CELF4: variants seen among roughly 807,000 people sequenced by gnomAD.
CELF4 encodes CUG-BP- and ETR-3-like factor 4.
CELF4 carries 18 observed loss-of-function variants against 59.9 expected under a neutral mutation model. That is an observed-to-expected ratio of 0.30 (90% confidence interval 0.21 to 0.45). The LOEUF (loss-of-function observed/expected upper bound fraction) is 0.45, where lower values mean the gene tolerates loss of function less well. Ranked by LOEUF, CELF4 falls within the 20% of genes least tolerant of loss-of-function variation. The pLI is 1.00. For synonymous variants in CELF4, 261 were observed against 267.1 expected (o/e 0.98, Z 0.22); for missense variants, 456 against 689.0 (o/e 0.66, Z 3.79).
At chr18:37,408,800 C>A (rs1456681317) in intron 2 of CELF4, among the ~76,000 whole-genome samples, 5 of 152,306 alleles carry the variant, frequency 3.3e-5, no homozygotes, top group African/African-American at 9.6e-5. Context: ...CACCACCCAG[C>A]TCTTCAGGGT....
chr18:37,506,539 G>T (rs2099938257), intron 1 of CELF4, among the ~76,000 whole-genome samples: 1 of 152,216 alleles, frequency 6.6e-6, no homozygotes, highest in Non-Finnish European at 1.5e-5. Flanking sequence ...GCCATCCCAG[G>T]AAGGCAGATG....
intron 2 of CELF4, among the ~76,000 whole-genome samples, chr18:37,475,773 A>G (rs1187229756): frequency 6.6e-6 from 1 of 152,176 alleles, no homozygotes; most frequent in Non-Finnish European, 1.5e-5. Context: ...CCATCTCCAG[A>G]CACATTTTCC....
At chr18:37,289,420 C>T (rs2095143089) in intron 3 of CELF4, among the ~76,000 whole-genome samples, 1 of 152,194 alleles carries the variant, frequency 6.6e-6, no homozygotes, top group South Asian at 2.1e-4. Context: ...AGTCCTCCCA[C>T]CCACAAGTCT....
chr18:37,402,739 C>T, intron 2 of CELF4, among the ~76,000 whole-genome samples: 1 of 152,200 alleles, frequency 6.6e-6, no homozygotes, highest in East Asian at 1.9e-4. Flanking sequence ...ACAGAGCTTC[C>T]CACCTTGTCC....
chr18:37,445,865 C>G (rs1479830921), intron 2 of CELF4, among the ~76,000 whole-genome samples: 1 of 152,190 alleles, frequency 6.6e-6, no homozygotes, highest in African/African-American at 2.4e-5. Context: ...GTCTCTTTCT[C>G]TGTCTCCCAC....
intron 1 of CELF4, among the ~76,000 whole-genome samples, chr18:37,545,784 A>G (rs1185057974): frequency 6.6e-6 from 1 of 151,616 alleles, no homozygotes; most frequent in Non-Finnish European, 1.5e-5. Flanking sequence ...ACGGCCCTGC[A>G]CTTGTGGCTG....
At chr18:37,563,084 G>A (rs1209555012) in intron 1 of CELF4, among the ~76,000 whole-genome samples, 2 of 150,270 alleles carry the variant, frequency 1.3e-5, no homozygotes, top group African/African-American at 4.9e-5. Context: ...TAAAATATAT[G>A]TAATATATGT....
intron 2 of CELF4, among the ~76,000 whole-genome samples, chr18:37,342,771 T>C (rs1472791269): frequency 6.6e-6 from 1 of 152,224 alleles, no homozygotes; most frequent in African/African-American, 2.4e-5. Flanking sequence ...TAGATAAAGA[T>C]GTGTTGTGAG....
intron 2 of CELF4, among the ~76,000 whole-genome samples, chr18:37,422,300 T>C (rs570771443): frequency 6.6e-6 from 1 of 152,314 alleles, no homozygotes; most frequent in East Asian, 1.9e-4. Context: ...GGGGCCACCC[T>C]TGTGGCTGAA....
intron 8 of CELF4, among the ~76,000 whole-genome samples, chr18:37,268,560 G>A (rs1461983731): frequency 6.6e-6 from 1 of 152,224 alleles, no homozygotes; most frequent in Non-Finnish European, 1.5e-5. Flanking sequence ...AACATCATAA[G>A]CATCTGGCAG....
intron 3 of CELF4, among the ~76,000 whole-genome samples, chr18:37,296,426 G>C (rs1357686963): frequency 1.3e-5 from 2 of 152,188 alleles, no homozygotes; most frequent in East Asian, 3.9e-4. Flanking sequence ...GACCTCTTGG[G>C]CTCAAGCAAT....
At chr18:37,374,450 G>T (rs1040655537) in intron 2 of CELF4, among the ~76,000 whole-genome samples, 2 of 152,176 alleles carry the variant, frequency 1.3e-5, no homozygotes, top group Non-Finnish European at 2.9e-5. Flanking sequence ...CTCCTGAGGA[G>T]CCCACTCCTC....
chr18:37,543,235 G>A (rs992492371), intron 1 of CELF4, among the ~76,000 whole-genome samples: 2 of 152,124 alleles, frequency 1.3e-5, no homozygotes, highest in East Asian at 3.8e-4. Flanking sequence ...TTCCCATCCC[G>A]AGAGGAAGAA....
At chr18:37,431,330 TG>T (rs1467555862) in intron 2 of CELF4, among the ~76,000 whole-genome samples, 2 of 151,928 alleles carry the variant, frequency 1.3e-5, no homozygotes, top group Non-Finnish European at 2.9e-5. Context: ...TGTGTTCTTT[TG>T]CTATTACACA....
At position 37,390,807 on chromosome 18, in the gene CELF4, A is replaced by T. The variant is rs11664350; in HGVS notation, c.370-68926T>A. 2.5e-4 allele frequency among the ~76,000 whole-genome samples: 14 copies of T among 57,130 alleles called. 1 individual carries two copies. Among genetic ancestry groups the T allele is most frequent in the South Asian group, 1.7e-3 (2 of 1,210 alleles). The allele number at this position is 57,130 out of a possible 152,430, so 37.5% of individuals were successfully genotyped here. On this transcript the variant is annotated intron_variant, in intron 2 of 12. Transcript: ENST00000420428. The stretch of plus-strand genomic sequence containing the variant: ...GGCTGGTGGTGGTGATGGGGCGGGG[A>T]GGGGGGGCAGTGCTGCTGGCCGGCA...
intron 7 of CELF4, among the ~76,000 whole-genome samples, chr18:37,272,483 G>A (rs1014277620): frequency 6.7e-6 from 1 of 148,340 alleles, no homozygotes; most frequent in Non-Finnish European, 1.5e-5. Context: ...CCAAACTCCT[G>A]TCCCTTGATA....
chr18:37,480,492 A>T (rs2099863539), intron 2 of CELF4, among the ~76,000 whole-genome samples: 1 of 152,120 alleles, frequency 6.6e-6, no homozygotes, highest in Non-Finnish European at 1.5e-5. Context: ...GTCTCTGGGG[A>T]CCCCTGTCTT....
Position 37,243,914 on chromosome 18 carries a change from G to A in CELF4, c.*1328C>T. On this transcript the variant is annotated 3_prime_UTR_variant, in exon 13 of 13. Coordinates refer to ENST00000420428, the MANE Select transcript of CELF4 (RefSeq NM_020180.4). ...GAAGCGAGAGGCGAGGATGACGGCG[G>A]CGGCGGCGGCGGCGACCCGGGCGAC... 5.4e-6 allele frequency: 1 copy of A among 186,000 alleles called. No individual in the cohort carries two copies. Among genetic ancestry groups the A allele is most frequent in the East Asian group, 1.2e-4 (1 of 8,100 alleles). 11.5% of individuals were successfully genotyped at this position (186,000 alleles called of 1,614,324 possible).
At chr18:37,459,341 C>CCACAGAGAGAGTTACCTACA (rs1326693263) in intron 2 of CELF4, among the ~76,000 whole-genome samples, 1 of 149,698 alleles carries the variant, frequency 6.7e-6, no homozygotes, top group Non-Finnish European at 1.5e-5. Context: ...TCTCTCTCTC[C>CCACAGAGAGAGTTACCTACA]CAGAGTTAAT....
Sources: gnomAD v4.1 joint callset for allele counts (sites outside exome capture counted in the v4.1 genomes callset) on GRCh38, gnomAD v4.1.1 for gene constraint, MANE v1.5 for transcripts, NCBI Gene and HGNC (gene_info 2026-07-23, HGNC 2026-07-21) for gene names.